Variants in ZFYVE28 observed in about 807,000 individuals in gnomAD.
The protein encoded by ZFYVE28 is lateral signaling target protein 2 homolog.
ZFYVE28 carries 40 observed loss-of-function variants against 82.1 expected under a neutral mutation model. The observed-to-expected ratio is 0.49, with a 90% CI of 0.38 to 0.63. The LOEUF is 0.63. Among genes scored for constraint, ZFYVE28 ranks in the 30% least tolerant of loss-of-function variants. ZFYVE28 has a pLI of 0.00. For missense variants in ZFYVE28, 1,321 were observed against 1,242.1 expected (o/e 1.06, Z -0.96); for synonymous variants, 612 against 546.1 (o/e 1.12, Z -1.68).
chr4:2,305,729 G>A (rs1171571199), intron 7 of ZFYVE28, among the ~76,000 whole-genome samples, 193 bp from the exon 8 acceptor site: 2 of 152,236 alleles, frequency 1.3e-5, no homozygotes, highest in Admixed American at 1.3e-4. Flanking sequence ...CGCCGGCCAG[G>A]ACAACGGTGT....
rs1475655410 is a variant in ZFYVE28 at position 2,418,080 on chromosome 4, G to A, written c.39+205C>T. 1.3e-5 allele frequency among the ~76,000 whole-genome samples: 2 copies of A among 152,080 alleles called. No homozygotes were observed. Among genetic ancestry groups the A allele is most frequent in the African/African-American group, 2.4e-5 (1 of 41,432 alleles). ...TCAGTCCTGGACCCGGGCTTAGGAA[G>A]CCGGGAGGGAGGTTCGGATCCGCCT... On this transcript the variant is annotated intron_variant, in intron 1 of 12. Coordinates refer to ENST00000290974, the MANE Select transcript of ZFYVE28 (RefSeq NM_020972.3). This position sits in a 1 kb window ranked among gnomAD's most constrained non-coding sequence, Gnocchi z 4.6.
intron 1 of ZFYVE28, among the ~76,000 whole-genome samples, chr4:2,359,080 T>C (rs1315400006): frequency 6.6e-6 from 1 of 151,096 alleles, no homozygotes; most frequent in South Asian, 2.1e-4. Flanking sequence ...GTTCACACCA[T>C]TCTCCTGCCT....
At chr4:2,352,710 C>G (rs961477677) in intron 2 of ZFYVE28, among the ~76,000 whole-genome samples, 4 of 152,276 alleles carry the variant, frequency 2.6e-5, no homozygotes, top group African/African-American at 4.8e-5. Context: ...CAGCGGGAAG[C>G]CTGAGAAGGG....
At chr4:2,373,436 C>T (rs192148454) in intron 1 of ZFYVE28, among the ~76,000 whole-genome samples, 90 of 152,124 alleles carry the variant, frequency 5.9e-4, no homozygotes, top group Non-Finnish European at 1.1e-3. Context: ...GAGGTTAAGG[C>T]AACATTGAGC....
At chr4:2,311,724 G>C (rs1324446145) in intron 7 of ZFYVE28, among the ~76,000 whole-genome samples, 1 of 151,672 alleles carries the variant, frequency 6.6e-6, no homozygotes, top group Admixed American at 6.6e-5. Flanking sequence ...CTAATTTATA[G>C]CATTTAGTGC....
chr4:2,401,685 C>T (rs1039737964), intron 1 of ZFYVE28, among the ~76,000 whole-genome samples: 2 of 152,216 alleles, frequency 1.3e-5, no homozygotes, highest in Admixed American at 1.3e-4. Flanking sequence ...AAAGGAGTGC[C>T]TCCTTGCGGT....
At chr4:2,298,127 C>T (rs574010650) in intron 8 of ZFYVE28, among the ~76,000 whole-genome samples, 97 of 137,200 alleles carry the variant, frequency 7.1e-4, no homozygotes, top group African/African-American at 2.6e-3. Context: ...AGTGACACGG[C>T]GGGCTGTGCT....
At position 2,305,207 on chromosome 4, in the gene ZFYVE28, C is replaced by T. The variant is rs1322633954; in HGVS notation, c.1133G>A (p.Ser378Asn). ...SPAHRPGAEG[S>N]PGGEASPGRP... ...ACCTGGAGAGGCCTCCCCGCCTGGG[C>T]TGCCCTCCGCTCCTGGCCTGTGAGC... The change falls in exon 8 of 13, where the codon AGC (serine) becomes AAC (asparagine). Residue 378 changes from serine to asparagine, a missense_variant. Physicochemically the swap from Ser to Asn is conservative, Grantham distance 46. Coordinates refer to ENST00000290974, the MANE Select transcript of ZFYVE28 (RefSeq NM_020972.3). 2 of 1,605,216 alleles carry T rather than the reference C, an allele frequency of 1.2e-6. No individual in the cohort carries two copies. The highest frequency in any genetic ancestry group is 2.7e-5 in the African/African-American group (2 of 74,816).
At chr4:2,344,534 A>G (rs1026071606) in intron 2 of ZFYVE28, among the ~76,000 whole-genome samples, 9 of 152,230 alleles carry the variant, frequency 5.9e-5, no homozygotes, top group Admixed American at 4.6e-4. Context: ...ACAACCAAAA[A>G]TATTTACAGT....
intron 1 of ZFYVE28, among the ~76,000 whole-genome samples, chr4:2,379,795 CT>C (rs559864898): frequency 0.026 from 3,920 of 149,868 alleles, 76 homozygotes; most frequent in African/African-American, 0.044. Context: ...AATTTTCACA[CT>C]TTTTTTTTTG....
chr4:2,273,122 G>C (rs1736064072), intron 10 of ZFYVE28, 51 bp downstream of exon 10: 1 of 1,462,522 alleles, frequency 6.8e-7, no homozygotes, highest in South Asian at 1.2e-5. Context: ...CTGTGGGCAG[G>C]GACACGGCCA....
At chr4:2,387,386 G>A (rs188461775) in intron 1 of ZFYVE28, among the ~76,000 whole-genome samples, 61 of 152,362 alleles carry the variant, frequency 4.0e-4, no homozygotes, top group Non-Finnish European at 6.9e-4. Context: ...CACTTGGCCT[G>A]CTTGCCCTCC....
At chr4:2,307,432 T>C (rs746128477) in intron 7 of ZFYVE28, among the ~76,000 whole-genome samples, 2 of 152,198 alleles carry the variant, frequency 1.3e-5, no homozygotes, top group African/African-American at 4.8e-5. Context: ...GTGTCCTGTT[T>C]AAGAAATCTC....
chr4:2,392,485 C>G (rs981856462), intron 1 of ZFYVE28, among the ~76,000 whole-genome samples: 9 of 152,214 alleles, frequency 5.9e-5, no homozygotes, highest in African/African-American at 2.2e-4. Flanking sequence ...CGTCTTCTTT[C>G]ATCCACGCTT....
At chr4:2,392,572 A>C (rs1454345707) in intron 1 of ZFYVE28, among the ~76,000 whole-genome samples, 2 of 152,238 alleles carry the variant, frequency 1.3e-5, no homozygotes, top group Non-Finnish European at 2.9e-5. Flanking sequence ...CATCCTCTAC[A>C]GTGAATAAAA....
chr4:2,400,444 G>A (rs527662162), intron 1 of ZFYVE28, among the ~76,000 whole-genome samples: 13 of 151,302 alleles, frequency 8.6e-5, no homozygotes, highest in Admixed American at 3.9e-4. Context: ...ACCGCAATTC[G>A]ACAGTAGCCC....
rs1726332388 is a variant in ZFYVE28 at position 2,362,737 on chromosome 4, A to G, written c.40-8664T>C. The stretch of plus-strand genomic sequence containing the variant: ...CAGCCGTGCTGCCACACCCACCCCA[A>G]TGTTACTATTGTTGCTACTGTCTCC... On this transcript the variant is annotated intron_variant, in intron 1 of 12. Transcript: ENST00000290974. The surrounding 1 kb of genome is among the most constrained non-coding windows in gnomAD (Gnocchi z 5.1). 6.6e-6 allele frequency among the ~76,000 whole-genome samples: 1 copy of G among 151,716 alleles called. No individual in the cohort carries two copies. Among genetic ancestry groups the G allele is most frequent in the Non-Finnish European group, 1.5e-5 (1 of 67,886 alleles).
chr4:2,320,215 A>G lies in ZFYVE28; in HGVS notation c.758T>C (p.Met253Thr), dbSNP rs1718876312. 6 of 1,612,604 alleles carry G rather than the reference A, an allele frequency of 3.7e-6. No individual in the cohort carries two copies. The highest frequency in any genetic ancestry group is 1.7e-5 in the Admixed American group (1 of 59,930). Residue 253 changes from methionine (M) to threonine (T), a missense_variant, in exon 7 of 13, where the codon ATG (methionine) becomes ACG (threonine). Around this residue, in one of 2 missense-constraint regions of ZFYVE28, gnomAD observed 343 missense variants for 408.4 expected, o/e 0.84. Coordinates refer to ENST00000290974, the MANE Select transcript of ZFYVE28 (RefSeq NM_020972.3). The surrounding 1 kb of genome is among the most constrained non-coding windows in gnomAD (Gnocchi z 5.1). Reference protein sequence around the residue: ...PLNLDRKVEDMSELFRPFHTL... With the variant: ...PLNLDRKVEDTSELFRPFHTL... Reference sequence around the variant, plus strand: ...GTGGAAGGGCCGGAACAGCTCGGACATGTCTTCCACCTTGCGGTCCAAGTT... The same window carrying G: ...GTGGAAGGGCCGGAACAGCTCGGACGTGTCTTCCACCTTGCGGTCCAAGTT...
intron 6 of ZFYVE28, among the ~76,000 whole-genome samples, chr4:2,325,592 CTTTT>C (rs58460729): frequency 3.3e-5 from 4 of 122,224 alleles, no homozygotes; most frequent in Admixed American, 8.9e-5. Flanking sequence ...TTAAATCTTA[CTTTT>C]TTTTTTTTTT....
Sources: allele counts gnomAD v4.1 joint callset (sites outside exome capture counted in the v4.1 genomes callset), GRCh38; gene constraint gnomAD v4.1.1; regional missense constraint gnomAD v4.1.1; non-coding constraint Gnocchi (gnomAD v3.1); transcripts MANE v1.5; gene names NCBI Gene and HGNC (gene_info 2026-07-23, HGNC 2026-07-21).